The following ZCCHC7 variants were observed in gnomAD, a reference collection of about 807,000 sequenced individuals.
ZCCHC7 encodes zinc finger CCHC-type containing 7.
A neutral mutation model predicts 52.0 loss-of-function variants in ZCCHC7; 35 were observed. The observed-to-expected ratio is 0.67, with a 90% CI of 0.51 to 0.89. The LOEUF (loss-of-function observed/expected upper bound fraction) is 0.89, where lower values mean the gene tolerates loss of function less well. Ranked by LOEUF, ZCCHC7 falls within the 40% of genes least tolerant of loss-of-function variation. The probability of loss-of-function intolerance (pLI) is 0.00; values close to 1 mark genes in which losing one functional copy is unlikely to be tolerated. For missense variants in ZCCHC7, 574 were observed against 649.1 expected (o/e 0.88, Z 1.26); for synonymous variants, 217 against 221.5 (o/e 0.98, Z 0.18).
At chr9:37,186,944 T>G (rs767106386) in intron 2 of ZCCHC7, 6 of 303,076 alleles carry the variant, frequency 2.0e-5, no homozygotes, top group Non-Finnish European at 3.8e-5. Flanking sequence ...GGCAAGTGTA[T>G]TTTTCTGTCA....
At position 37,180,385 on chromosome 9, in the gene ZCCHC7, G is replaced by C. The variant is rs181941530; in HGVS notation, c.610+53443G>C. On this transcript the variant is annotated intron_variant, in intron 2 of 8. Coordinates refer to ENST00000336755, the MANE Select transcript of ZCCHC7 (RefSeq NM_032226.3). Reference sequence around the variant, plus strand: ...TTTCCTAACTGGTAAGTAAAACTGGGTTAAAAAAATAGATTCAGAAAATTC... The same window carrying C: ...TTTCCTAACTGGTAAGTAAAACTGGCTTAAAAAAATAGATTCAGAAAATTC... Among the ~76,000 whole-genome samples the C allele has an allele frequency of 1.6e-3, 244 of 152,068 alleles. 1 individual carries two copies. The highest frequency in any genetic ancestry group is 5.6e-3 in the African/African-American group (234 of 41,516).
chr9:37,229,323 T>C (rs1825284487), intron 2 of ZCCHC7, among the ~76,000 whole-genome samples: 1 of 152,174 alleles, frequency 6.6e-6, no homozygotes, highest in Non-Finnish European at 1.5e-5. Context: ...CTTTTTACAG[T>C]ATAGTCATAT....
At chr9:37,222,328 A>AGTGTGTGTGT (rs74182938) in intron 2 of ZCCHC7, among the ~76,000 whole-genome samples, 178 of 133,088 alleles carry the variant, frequency 1.3e-3, no homozygotes, top group East Asian at 2.7e-3. Flanking sequence ...AGAATAACAG[A>AGTGTGTGTGT]GTGTGTGTGT....
chr9:37,292,041 T>C (rs1053091665), intron 2 of ZCCHC7, among the ~76,000 whole-genome samples: 1 of 152,354 alleles, frequency 6.6e-6, no homozygotes, highest in South Asian at 2.1e-4. Context: ...AAATCTGATA[T>C]GAGTATTTTT....
chr9:37,279,080 G>A (rs1827822713), intron 2 of ZCCHC7, among the ~76,000 whole-genome samples: 1 of 152,112 alleles, frequency 6.6e-6, no homozygotes, highest in African/African-American at 2.4e-5. Flanking sequence ...TAGAAATGCT[G>A]AAGTAAATTC....
At chr9:37,260,011 G>T (rs1826788365) in intron 2 of ZCCHC7, among the ~76,000 whole-genome samples, 1 of 152,126 alleles carries the variant, frequency 6.6e-6, no homozygotes, top group South Asian at 2.1e-4. Flanking sequence ...TTGCAATGTT[G>T]CAGTGGTTTA....
chr9:37,231,488 T>G (rs529210583), intron 2 of ZCCHC7, among the ~76,000 whole-genome samples: 23 of 152,210 alleles, frequency 1.5e-4, no homozygotes, highest in African/African-American at 5.3e-4. Context: ...TGTTCCTGGT[T>G]AATAGGTAAG....
intron 6 of ZCCHC7, chr9:37,333,732 G>A (rs2118311197): frequency 6.6e-6 from 1 of 151,698 alleles, no homozygotes; most frequent in African/African-American, 2.4e-5. Flanking sequence ...AAATACTGTG[G>A]TAATTAAATT....
intron 2 of ZCCHC7, among the ~76,000 whole-genome samples, chr9:37,245,979 C>T (rs187790489): frequency 7.9e-5 from 12 of 152,012 alleles, no homozygotes; most frequent in South Asian, 2.1e-4. Flanking sequence ...TTTATAAGAA[C>T]GATCAGAAAA....
At chr9:37,311,707 G>A (rs890760321) in intron 5 of ZCCHC7, among the ~76,000 whole-genome samples, 9 of 152,202 alleles carry the variant, frequency 5.9e-5, no homozygotes, top group South Asian at 4.1e-4. Flanking sequence ...TACTGCGCCC[G>A]GCCTTTTTAC....
upstream of ZCCHC7, among the ~76,000 whole-genome samples, chr9:37,120,365 GA>G (rs28372756): frequency 5.7e-4 from 87 of 152,370 alleles, no homozygotes; most frequent in East Asian, 0.016. Flanking sequence ...TTGGGAAGGG[GA>G]AGGGGGAAAG....
chr9:37,121,849 G>A (rs1588328986), intron 1 of ZCCHC7, among the ~76,000 whole-genome samples: 1 of 152,054 alleles, frequency 6.6e-6, no homozygotes, highest in Non-Finnish European at 1.5e-5. Context: ...TTTGTCTTTT[G>A]TGACTTTTGT....
chr9:37,274,443 G>A (rs937259446), intron 2 of ZCCHC7, among the ~76,000 whole-genome samples: 3 of 141,640 alleles, frequency 2.1e-5, no homozygotes, highest in African/African-American at 7.9e-5. Context: ...AGGTTTAAGT[G>A]ATTCTCCTGC....
intron 5 of ZCCHC7, among the ~76,000 whole-genome samples, chr9:37,312,055 C>T (rs1166831232): frequency 1.3e-5 from 2 of 152,136 alleles, no homozygotes; most frequent in Non-Finnish European, 2.9e-5. Context: ...TTTTAGTGTA[C>T]TCCAAGGAGC....
At chr9:37,212,494 A>G (rs964446845) in intron 2 of ZCCHC7, among the ~76,000 whole-genome samples, 2 of 152,188 alleles carry the variant, frequency 1.3e-5, no homozygotes, top group African/African-American at 4.8e-5. Context: ...ATTGTGAAAT[A>G]GCTTGCTTTC....
chr9:37,343,410 A>G (rs80285509), intron 6 of ZCCHC7, among the ~76,000 whole-genome samples: 6,728 of 152,234 alleles, frequency 0.044, 235 homozygotes, highest in Non-Finnish European at 0.063. Context: ...CAGCCTCCCT[A>G]GTGCTTTCAT....
intron 6 of ZCCHC7, among the ~76,000 whole-genome samples, chr9:37,330,560 T>A (rs924310017): frequency 2.0e-5 from 3 of 151,692 alleles, no homozygotes; most frequent in Non-Finnish European, 3.0e-5. Flanking sequence ...GAAAAAAATA[T>A]TGTTTTTACT....
At chr9:37,160,576 A>G (rs1821042366) in intron 2 of ZCCHC7, among the ~76,000 whole-genome samples, 1 of 152,128 alleles carries the variant, frequency 6.6e-6, no homozygotes, top group South Asian at 2.1e-4. Context: ...AGAATATCCC[A>G]AATCTAGTTG....
chr9:37,192,065 A>C (rs927197785), intron 2 of ZCCHC7, among the ~76,000 whole-genome samples: 4 of 152,250 alleles, frequency 2.6e-5, no homozygotes, highest in African/African-American at 7.2e-5. Flanking sequence ...AAGGGGCATT[A>C]AACAGGTGGA....
Sources: gnomAD v4.1 joint callset for allele counts (sites outside exome capture counted in the v4.1 genomes callset) on GRCh38, gnomAD v4.1.1 for gene constraint, MANE v1.5 for transcripts, NCBI Gene and HGNC (gene_info 2026-07-23, HGNC 2026-07-21) for gene names.